The following FGF12 variants were observed in gnomAD, a reference collection of about 807,000 sequenced individuals.
FGF12 encodes fibroblast growth factor 12B.
Under a neutral mutation model 23.6 loss-of-function variants are expected in FGF12, and 14 were observed. The ratio of observed to expected loss-of-function variants is 0.59; its 90% confidence interval spans 0.39 to 0.93. The LOEUF (loss-of-function observed/expected upper bound fraction) is 0.93. Ranked by LOEUF, FGF12 falls within the 40% of genes least tolerant of loss-of-function variation. The pLI, the probability that FGF12 is intolerant of heterozygous loss-of-function variation, is 0.00. For synonymous variants in FGF12, 62 were observed against 77.3 expected, an observed-to-expected ratio of 0.80 and a Z score of 1.04; for missense variants, 175 against 217.8, an observed-to-expected ratio of 0.80 and a Z score of 1.24.
chr3:192,554,910 G>T (rs1477986502), intron 2 of FGF12, among the ~76,000 whole-genome samples: 1 of 152,076 alleles, frequency 6.6e-6, no homozygotes, highest in East Asian at 1.9e-4. Context: ...TACTAGAGGG[G>T]TTCAACTGCA....
chr3:192,495,961 C>G (rs369404926), intron 2 of FGF12, among the ~76,000 whole-genome samples: 4 of 152,136 alleles, frequency 2.6e-5, no homozygotes, highest in African/African-American at 9.7e-5. Flanking sequence ...CTGTGCCCAG[C>G]CTAATCTTCA....
At chr3:192,288,850 TA>T (rs1005909960) in intron 4 of FGF12, among the ~76,000 whole-genome samples, 2 of 152,116 alleles carry the variant, frequency 1.3e-5, no homozygotes, top group African/African-American at 4.8e-5. Flanking sequence ...ACTCAAGATA[TA>T]AACACTATAT....
intron 4 of FGF12, among the ~76,000 whole-genome samples, chr3:192,247,718 A>G (rs1209751777): frequency 2.0e-5 from 3 of 152,156 alleles, no homozygotes; most frequent in Non-Finnish European, 4.4e-5. Context: ...TAAGTCTGGG[A>G]AAGATTTATA....
At chr3:192,592,564 A>G (rs951210586) in intron 2 of FGF12, among the ~76,000 whole-genome samples, 2 of 151,716 alleles carry the variant, frequency 1.3e-5, no homozygotes, top group African/African-American at 4.8e-5. Context: ...GAGAAGCAAC[A>G]CTCTTGTCCA....
rs1423131103 is a variant in FGF12 at position 192,409,533 on chromosome 3, T to C, written c.14-48995A>G. Among the ~76,000 whole-genome samples the C allele has an allele frequency of 6.6e-6, 1 of 152,152 alleles. No individual in the cohort carries two copies. The highest frequency in any genetic ancestry group is 1.5e-5 in the Non-Finnish European group (1 of 68,016). On this transcript the variant is annotated intron_variant, in intron 2 of 5. Coordinates refer to ENST00000445105, the MANE Select transcript of FGF12 (RefSeq NM_004113.6). This position sits in a 1 kb window ranked among gnomAD's most constrained non-coding sequence, Gnocchi z 4.8. The stretch of plus-strand genomic sequence containing the variant: ...TCACAGGCAGCAGATCAGATGGGGA[T>C]TACCCGCCGGACGCAAGGCCGATCA...
intron 4 of FGF12, among the ~76,000 whole-genome samples, chr3:192,232,966 A>G (rs1719102295): frequency 6.6e-6 from 1 of 152,112 alleles, no homozygotes; most frequent in South Asian, 2.1e-4. Context: ...ATGGGCATCT[A>G]GGTTGATTCC....
chr3:192,702,366 A>G (rs1258034052), intron 2 of FGF12, among the ~76,000 whole-genome samples: 1 of 152,240 alleles, frequency 6.6e-6, no homozygotes, highest in African/African-American at 2.4e-5. Context: ...TCACAAACAA[A>G]TGTGCTATAA....
intron 4 of FGF12, among the ~76,000 whole-genome samples, chr3:192,283,941 A>T (rs1242929777): frequency 6.6e-6 from 1 of 152,090 alleles, no homozygotes; most frequent in Non-Finnish European, 1.5e-5. Context: ...GCTCTACCAG[A>T]GAAATTCCAC....
At chr3:192,226,239 G>C (rs1323465900) in intron 4 of FGF12, among the ~76,000 whole-genome samples, 1 of 152,100 alleles carries the variant, frequency 6.6e-6, no homozygotes, top group Non-Finnish European at 1.5e-5. Flanking sequence ...CCATGGCTTA[G>C]GGCATTTTTT....
intron 2 of FGF12, among the ~76,000 whole-genome samples, chr3:192,693,378 C>G (rs1644135865): frequency 6.6e-6 from 1 of 152,056 alleles, no homozygotes; most frequent in African/African-American, 2.4e-5. Flanking sequence ...CACAATCCCT[C>G]TTATAATTTC....
intron 2 of FGF12, among the ~76,000 whole-genome samples, chr3:192,488,468 T>C (rs577017578): frequency 8.5e-5 from 13 of 152,182 alleles, no homozygotes; most frequent in South Asian, 4.1e-4. Flanking sequence ...AGACTCAGCA[T>C]AAAATGAAAA....
At chr3:192,378,044 T>TTCTCTCTCTCTCTCTCTC (rs1174579886) in intron 2 of FGF12, among the ~76,000 whole-genome samples, 1 of 94,856 alleles carries the variant, frequency 1.1e-5, no homozygotes, top group African/African-American at 5.9e-5. Flanking sequence ...CTTTCTTTCT[T>TTCTCTCTCTCTCTCTCTC]TCTTTCTTTC....
chr3:192,269,559 A>G (rs1043236210), intron 4 of FGF12, among the ~76,000 whole-genome samples: 1 of 152,176 alleles, frequency 6.6e-6, no homozygotes, highest in Non-Finnish European at 1.5e-5. Context: ...TGTTAGGCTT[A>G]ATAAATGTAA....
intron 2 of FGF12, among the ~76,000 whole-genome samples, chr3:192,507,332 AATACACACAC>A (rs1463564378): frequency 1.3e-5 from 1 of 78,900 alleles, no homozygotes; most frequent in Non-Finnish European, 2.5e-5. Flanking sequence ...CATTTGACCA[AATACACACAC>A]ACACACACAC....
intron 2 of FGF12, among the ~76,000 whole-genome samples, chr3:192,597,678 A>G (rs1218898500): frequency 6.6e-6 from 1 of 152,158 alleles, no homozygotes; most frequent in Non-Finnish European, 1.5e-5. Flanking sequence ...AAGTCGGAGA[A>G]ACTGGCCACT....
At chr3:192,316,337 A>G (rs1716226979) in intron 4 of FGF12, among the ~76,000 whole-genome samples, 1 of 152,196 alleles carries the variant, frequency 6.6e-6, no homozygotes, top group Non-Finnish European at 1.5e-5. Context: ...TTTTAACTTC[A>G]TATCACTGAA....
chr3:192,460,901 T>C (rs1722844040), intron 2 of FGF12, among the ~76,000 whole-genome samples: 1 of 152,138 alleles, frequency 6.6e-6, no homozygotes, highest in Admixed American at 6.6e-5. Flanking sequence ...TTAATTCCTA[T>C]GTATTTCCTG....
At chr3:192,379,383 C>CA (rs1719716289) in intron 2 of FGF12, among the ~76,000 whole-genome samples, 1 of 145,386 alleles carries the variant, frequency 6.9e-6, no homozygotes, top group African/African-American at 2.6e-5. Context: ...GAAATCCCTA[C>CA]ACCTTCCACT....
intron 4 of FGF12, among the ~76,000 whole-genome samples, chr3:192,244,027 A>G (rs1004383300): frequency 1.3e-5 from 2 of 152,124 alleles, no homozygotes; most frequent in Admixed American, 6.6e-5. Flanking sequence ...GATGAATAGA[A>G]TTTTTTATCC....
Sources: allele counts gnomAD v4.1 joint callset (sites outside exome capture counted in the v4.1 genomes callset), GRCh38; gene constraint gnomAD v4.1.1; non-coding constraint Gnocchi (gnomAD v3.1); transcripts MANE v1.5; gene names NCBI Gene and HGNC (gene_info 2026-07-23, HGNC 2026-07-21).